The following FN1 variants were observed in gnomAD, a reference collection of about 807,000 sequenced individuals.
FN1 encodes fibronectin 1, also known as fibronectin.
A neutral mutation model predicts 297.3 loss-of-function variants in FN1; 106 were observed. That is an observed-to-expected ratio of 0.36 (90% CI 0.30 to 0.42). The LOEUF is 0.42. FN1 is among the 10% of genes least tolerant of loss of function. FN1 has a pLI of 1.00. For synonymous variants in FN1, 1,149 were observed against 1,152.6 expected, an observed-to-expected ratio of 1.00 and a Z score of 0.06; for missense variants, 2,690 against 3,124.9, an observed-to-expected ratio of 0.86 and a Z score of 3.32.
intron 13 of FN1, chr2:215,414,632 C>A: frequency 7.5e-7 from 1 of 1,325,352 alleles, no homozygotes; most frequent in South Asian, 2.2e-5. Flanking sequence ...CGCAAAAAAA[C>A]AAAACCCAAA....
intron 41 of FN1, among the ~76,000 whole-genome samples, chr2:215,369,854 C>T (rs2106209052): frequency 6.6e-6 from 1 of 152,182 alleles, no homozygotes; most frequent in South Asian, 2.1e-4. Flanking sequence ...GCCAACTGTC[C>T]CCATGTCTGC....
In FN1 at chr2:215,381,095, A is replaced by T; in HGVS notation, c.5165-15T>A. ...GCGATCAATGTCTGTTAGGCAAATT[A>T]ATGGTAAGAGGTTATGTGAAAAGCA... On this transcript the variant is annotated splice_polypyrimidine_tract_variant and intron_variant, in intron 32 of 45. Coordinates refer to ENST00000354785, the MANE Select transcript of FN1 (RefSeq NM_212482.4). The T allele has an allele frequency of 6.2e-7, 1 of 1,613,716 alleles. No homozygotes were observed. Among genetic ancestry groups the T allele is most frequent in the Non-Finnish European group, 8.5e-7 (1 of 1,179,578 alleles).
In FN1 at chr2:215,393,060, C is replaced by T. The variant is rs1401773295; in HGVS notation, c.3940G>A (p.Asp1314Asn). The T allele has an allele frequency of 1.2e-6, 2 of 1,614,014 alleles. No homozygotes were observed. Among genetic ancestry groups the T allele is most frequent in the South Asian group, 2.2e-5 (2 of 91,072 alleles). The part of the protein sequence containing the change: ...AAGEGIPIFE[D>N]FVDSSVGYYT... ...TATCCTACTGAGGAGTCCACAAAAT[C>T]TTCAAAAATAGGGATACCTTCTCCT... is the stretch of plus-strand genomic sequence containing the variant. The change falls in exon 25 of 46, where the codon GAT (aspartate) becomes AAT (asparagine). Residue 1314 changes from aspartate (D) to asparagine (N), a missense_variant. Around this residue, in one of 3 missense-constraint regions of FN1, gnomAD observed 1,743 missense variants for 1,945.2 expected, o/e 0.90. Transcript: ENST00000354785.
chr2:215,406,490 C>A lies in FN1; in HGVS notation c.2734G>T (p.Asp912Tyr), dbSNP rs1186778841. The part of the protein sequence containing the change: ...PRSDTVPSPR[D>Y]LQFVEVTDVK... Reference sequence around the variant, plus strand: ...TCTGTCACTTCCACAAACTGCAGGTCCCTGGGAGAGGGCACTGTATCTGAC... The same window carrying A: ...TCTGTCACTTCCACAAACTGCAGGTACCTGGGAGAGGGCACTGTATCTGAC... Residue 912 changes from aspartate to tyrosine, a missense_variant, in exon 19 of 46, where the codon GAC becomes TAC. Physicochemically the swap from Asp to Tyr is radical, Grantham distance 160. Around this residue, in one of 3 missense-constraint regions of FN1, gnomAD observed 71 missense variants for 121.7 expected, o/e 0.58. Transcript: ENST00000354785. 6.2e-7 allele frequency: 1 copy of A among 1,613,986 alleles called. No homozygotes were observed. Among genetic ancestry groups the A allele is most frequent in the Admixed American group, 1.7e-5 (1 of 60,022 alleles).
At chr2:215,403,686 A>G (rs1449033261) in intron 20 of FN1, among the ~76,000 whole-genome samples, 2 of 152,204 alleles carry the variant, frequency 1.3e-5, no homozygotes, top group Non-Finnish European at 2.9e-5. Context: ...ATTTAAGACC[A>G]CTTCCTTTAA....
chr2:215,410,188 A>G, intron 13 of FN1, 74 bp from the exon 14 acceptor site: 4 of 1,449,476 alleles, frequency 2.8e-6, no homozygotes, highest in Non-Finnish European at 3.8e-6. Flanking sequence ...GATGATGTTC[A>G]GTAATCTTCA....
chr2:215,404,569 T>C lies in FN1; in HGVS notation c.3073A>G (p.Thr1025Ala), dbSNP rs749829916. ...VRWTPPRAQI[T>A]GYRLTVGLTR... Reference sequence around the variant, plus strand: ...AGGCCCACGGTCAGTCGGTATCCTGTTATCTGGGCCCGAGGTGGAGTCCAT... The same window carrying C: ...AGGCCCACGGTCAGTCGGTATCCTGCTATCTGGGCCCGAGGTGGAGTCCAT... Residue 1025 changes from threonine to alanine, a missense_variant, in exon 20 of 46, where the codon ACA becomes GCA. Coordinates refer to ENST00000354785, the MANE Select transcript of FN1 (RefSeq NM_212482.4). The C allele has an allele frequency of 6.2e-7, 1 of 1,614,150 alleles. No individual in the cohort carries two copies. Among genetic ancestry groups the C allele is most frequent in the Non-Finnish European group, 8.5e-7 (1 of 1,180,010 alleles).
intron 4 of FN1, 74 bp downstream of exon 4, chr2:215,431,759 T>G: frequency 1.4e-6 from 2 of 1,465,180 alleles, no homozygotes; most frequent in Non-Finnish European, 1.9e-6. Context: ...ATGACCTATG[T>G]AGATGTGATT....
Position 215,433,604 on chromosome 2 carries a change from A to C in FN1, c.278-143T>G, listed in dbSNP as rs1453340703. The C allele has an allele frequency of 9.4e-6, 8 of 852,418 alleles. No homozygotes were observed. In the Admixed American group the frequency reaches 1.2e-4, roughly 13 times the overall value. The allele number at this position is 852,418 out of a possible 1,614,324, so 52.8% of individuals were successfully genotyped here. ...AAGAATAAAATGAAGTGAGAGATAC[A>C]GATTTTTATCCTAAGCTCTAATAAG... On this transcript the variant is annotated intron_variant, in intron 2 of 45. Transcript: ENST00000354785.
chr2:215,387,109 G>A, intron 27 of FN1, 151 bp from the exon 28 acceptor site: 2 of 676,618 alleles, frequency 3.0e-6, no homozygotes, highest in Admixed American at 2.9e-5. Context: ...CAAAGAGTAA[G>A]ATGTACTGAT....
At chr2:215,383,035 C>T (rs1220268973) in intron 31 of FN1, among the ~76,000 whole-genome samples, 2 of 150,094 alleles carry the variant, frequency 1.3e-5, no homozygotes, top group Non-Finnish European at 3.0e-5. Context: ...TGGAGTCTCT[C>T]ACTCTGTCAC....
chr2:215,406,714 A>G (rs2061819525), intron 18 of FN1, among the ~76,000 whole-genome samples: 1 of 152,234 alleles, frequency 6.6e-6, no homozygotes, highest in Non-Finnish European at 1.5e-5. Context: ...AAAATAGGTA[A>G]TAAGTGAGTT....
intron 35 of FN1, among the ~76,000 whole-genome samples, chr2:215,377,111 T>C (rs996770011): frequency 5.5e-5 from 8 of 146,544 alleles, no homozygotes; most frequent in Non-Finnish European, 1.2e-4. Context: ...TGTGTGTGTG[T>C]CTAATATTAC....
In FN1 at chr2:215,373,396, G is replaced by C; in HGVS notation, c.6173C>G (p.Thr2058Ser). ...EATITGLEPG[T>S]EYTIYVIALK... is the part of the protein sequence containing the mutation. ...GGCAATGACATAAATTGTATATTCG[G>C]TTCCCGGTTCCAGGCCTGAAGGGAG... The change falls in exon 39 of 46, where the codon ACC becomes AGC. Residue 2058 changes from threonine to serine, a missense_variant. Physicochemically the swap from Thr to Ser is moderately conservative, Grantham distance 58. This residue lies in a region of FN1 where 1,743 missense variants were observed against 1,945.2 expected (regional missense o/e 0.90). Coordinates refer to ENST00000354785, the MANE Select transcript of FN1 (RefSeq NM_212482.4). 1.9e-6 allele frequency: 3 copies of C among 1,612,888 alleles called. No individual in the cohort carries two copies. The highest frequency in any genetic ancestry group is 1.3e-5 in the African/African-American group (1 of 74,916).
In FN1 at chr2:215,414,920, G is replaced by C. The variant is rs2063225523; in HGVS notation, c.1858C>G (p.Pro620Ala). The part of the protein sequence containing the change: ...GPVEVFITET[P>A]SQPNSHPIQW... ...ATGGGGTGGGAGTTGGGCTGACTCG[G>C]AGTCTCAGTGATAAATACTTCGACA... Residue 620 changes from proline to alanine, a missense_variant, in exon 13 of 46, where the codon CCG becomes GCG. This residue lies in a region of FN1 where 876 missense variants were observed against 1,058.1 expected (regional missense o/e 0.83). Coordinates refer to ENST00000354785, the MANE Select transcript of FN1 (RefSeq NM_212482.4). 3 of 1,613,896 alleles carry C rather than the reference G, an allele frequency of 1.9e-6. No homozygotes were observed. In the East Asian group the frequency reaches 6.7e-5, roughly 36 times the overall value.
chr2:215,425,553 G>GT (rs1170091356), intron 6 of FN1, among the ~76,000 whole-genome samples: 3 of 152,086 alleles, frequency 2.0e-5, no homozygotes, highest in Admixed American at 2.0e-4. Flanking sequence ...TTGTTTTTTG[G>GT]TTTTTTGGGT....
chr2:215,435,920 A>C lies in FN1; in HGVS notation c.-118T>G. The stretch of plus-strand genomic sequence containing the variant: ...TGCCTCCCGGGGGTTGTCGCCTCCA[A>C]GAAGGTGGGGGCCAGAGGGTGGGGA... On this transcript the variant is annotated 5_prime_UTR_variant, in exon 1 of 46. Coordinates refer to ENST00000354785, the MANE Select transcript of FN1 (RefSeq NM_212482.4). 1 of 1,449,852 alleles carries C rather than the reference A, an allele frequency of 6.9e-7. No individual in the cohort carries two copies. The highest frequency in any genetic ancestry group is 9.1e-7 in the Non-Finnish European group (1 of 1,101,938). The allele number at this position is 1,449,852 out of a possible 1,614,324, so 89.8% of individuals were successfully genotyped here. A position where few individuals can be genotyped will look rare whatever the true frequency, so the allele number is the denominator to read the frequency against.
At chr2:215,434,320 G>T (rs546230776) in intron 2 of FN1, among the ~76,000 whole-genome samples, 2 of 152,282 alleles carry the variant, frequency 1.3e-5, no homozygotes, top group South Asian at 4.2e-4. Context: ...ATCATTTTAC[G>T]ATGTAAGTCC....
rs2059268317 is a variant in FN1, at chr2:215,388,212, C to CTG, written c.4340_4341dup (p.Gly1448GlnfsTer85). The CTG allele has an allele frequency of 6.2e-7, 1 of 1,610,540 alleles. No homozygotes were observed. Among genetic ancestry groups the CTG allele is most frequent in the Non-Finnish European group, 8.5e-7 (1 of 1,176,906 alleles). On this transcript the variant is annotated frameshift_variant and splice_region_variant, in exon 27 of 46. Transcript: ENST00000354785. LOFTEE classifies it high-confidence loss of function. ...TAGTCATACTGCCAACACCACTCAC[C>CTG]TGTTTTCTGTCTTCCTCTAAGAGGT...
Sources: allele counts gnomAD v4.1 joint callset (sites outside exome capture counted in the v4.1 genomes callset), GRCh38; gene constraint gnomAD v4.1.1; regional missense constraint gnomAD v4.1.1; transcripts MANE v1.5; gene names NCBI Gene and HGNC (gene_info 2026-07-23, HGNC 2026-07-21).